ATAD3B: variants seen among roughly 807,000 people sequenced by gnomAD.
ATAD3B encodes the protein ATPase family AAA domain-containing protein 3B.
In ATAD3B, 59 loss-of-function variants were observed where a neutral mutation model predicts 70.2. The ratio of observed to expected loss-of-function variants is 0.84; its 90% CI spans 0.68 to 1.04. The LOEUF (loss-of-function observed/expected upper bound fraction) is 1.04, where lower values mean the gene tolerates loss of function less well. ATAD3B is among the 50% of genes least tolerant of loss of function. The pLI is 0.00. For synonymous variants in ATAD3B, 423 were observed against 388.6 expected, an observed-to-expected ratio of 1.09 and a Z score of -1.04; for missense variants, 961 against 913.4, an observed-to-expected ratio of 1.05 and a Z score of -0.67.
In ATAD3B at chr1:1,497,512, A is replaced by G. The variant is rs1203193335; in HGVS notation, c.*1695A>G. 1 of 150,352 alleles carries G rather than the reference A, an allele frequency of 6.7e-6. No individual in the cohort carries two copies. The highest frequency in any genetic ancestry group is 1.5e-5 in the Non-Finnish European group (1 of 67,768). The allele number at this position is 150,352 out of a possible 1,614,324, so 9.3% of individuals were successfully genotyped here. A position where few individuals can be genotyped will look rare whatever the true frequency, so the allele number is the denominator to read the frequency against. The stretch of plus-strand genomic sequence containing the variant: ...GGATGAGCCACCAAGCCTGGCCTCA[A>G]TTCCTCTTTAAAGGAATTGCCTAAA... On this transcript the variant is annotated 3_prime_UTR_variant, in exon 16 of 16. Coordinates refer to ENST00000673477, the MANE Select transcript of ATAD3B (RefSeq NM_031921.6).
rs755368073 is a variant in ATAD3B, at chr1:1,490,571, A to G, written c.1514A>G (p.Lys505Arg). 16 of 1,610,634 alleles carry G rather than the reference A, an allele frequency of 9.9e-6. No homozygotes were observed. Among genetic ancestry groups the G allele is most frequent in the African/African-American group, 1.3e-5 (1 of 74,814 alleles). ...GGGAACTCCTTCCCCAGGCGCCTGA[A>G]GCTGGCCCAGTTTGACTACGGGAGG... The part of the protein sequence containing the change: ...KPATEGKRRL[K>R]LAQFDYGRKC... Residue 505 changes from lysine to arginine, a missense_variant, in exon 15 of 16, where the codon AAG becomes AGG. Around this residue, in one of 4 missense-constraint regions of ATAD3B, gnomAD observed 417 missense variants for 335.0 expected, o/e 1.24. Coordinates refer to ENST00000673477, the MANE Select transcript of ATAD3B (RefSeq NM_031921.6).
At chr1:1,492,503 A>G (rs949158949) in intron 15 of ATAD3B, among the ~76,000 whole-genome samples, 8 of 151,218 alleles carry the variant, frequency 5.3e-5, no homozygotes, top group African/African-American at 1.7e-4. Context: ...AATAAGAAGA[A>G]TAATAATTTG....
At position 1,497,360 on chromosome 1, in the gene ATAD3B, A is replaced by G. The variant is rs1570289334; in HGVS notation, c.*1543A>G. 6.8e-6 allele frequency: 1 copy of G among 146,974 alleles called. No individual in the cohort carries two copies. Among genetic ancestry groups the G allele is most frequent in the Non-Finnish European group, 1.5e-5 (1 of 67,126 alleles). The allele number at this position is 146,974 out of a possible 1,614,324, so 9.1% of individuals were successfully genotyped here. A position where few individuals can be genotyped will look rare whatever the true frequency, so the allele number is the denominator to read the frequency against. On this transcript the variant is annotated 3_prime_UTR_variant, in exon 16 of 16. Coordinates refer to ENST00000673477, the MANE Select transcript of ATAD3B (RefSeq NM_031921.6). ...CAGTAGCCATACCCTACTAGGCCCT[A>G]ATTAGCCCCAGAGGCGTGCACCACC... is the stretch of plus-strand genomic sequence containing the variant.
chr1:1,476,049 C>T (rs980511625), intron 1 of ATAD3B, among the ~76,000 whole-genome samples: 8 of 143,490 alleles, frequency 5.6e-5, no homozygotes, highest in South Asian at 4.6e-4. Context: ...GTTGAGAGCC[C>T]GGGGTCGCTT....
intron 1 of ATAD3B, among the ~76,000 whole-genome samples, chr1:1,473,078 C>CTCCTGAAG (rs1639413170): frequency 6.7e-6 from 1 of 149,960 alleles, no homozygotes; most frequent in African/African-American, 2.5e-5. Context: ...CCGCCTTGTC[C>CTCCTGAAG]TCCTGAAGTG....
At chr1:1,503,202 C>T in the ATAD3B span, 2 of 176,816 alleles carry the variant, frequency 1.1e-5, no homozygotes, top group Non-Finnish European at 2.4e-5. Context: ...CCAGCCTGGG[C>T]GACAGAGCGA....
downstream of ATAD3B, among the ~76,000 whole-genome samples, chr1:1,502,369 CG>C (rs1557442164): frequency 6.6e-6 from 1 of 151,190 alleles, no homozygotes; most frequent in Non-Finnish European, 1.5e-5. Context: ...CGCCCACCAC[CG>C]CGCCTGGCTA....
chr1:1,478,457 G>T lies in ATAD3B; in HGVS notation c.283-187G>T, dbSNP rs1421795614. The T allele has an allele frequency of 3.9e-6, 6 of 1,539,908 alleles. No homozygotes were observed. In the African/African-American group the frequency reaches 8.2e-5, roughly 21 times the overall value. On this transcript the variant is annotated intron_variant, in intron 2 of 15. Coordinates refer to ENST00000673477, the MANE Select transcript of ATAD3B (RefSeq NM_031921.6). ...CAGGCTTCTCTGCTGGTGCTTCTGT[G>T]CCTGTGGGTCTGGATTCCTCCAGGG...
chr1:1,477,799 G>A (rs1434826719), intron 2 of ATAD3B, among the ~76,000 whole-genome samples: 3 of 151,788 alleles, frequency 2.0e-5, no homozygotes, highest in African/African-American at 7.3e-5. Flanking sequence ...TCCGCCTCCC[G>A]GGTTCAAGCG....
downstream of ATAD3B, among the ~76,000 whole-genome samples, chr1:1,500,770 G>T (rs1028068653): frequency 6.6e-6 from 1 of 151,058 alleles, no homozygotes; most frequent in South Asian, 2.1e-4. Context: ...TGGCTAACAG[G>T]GTGAAACCCC....
intron 4 of ATAD3B, among the ~76,000 whole-genome samples, chr1:1,479,604 A>G (rs1474810208): frequency 1.4e-5 from 2 of 143,648 alleles, no homozygotes; most frequent in Non-Finnish European, 3.0e-5. Context: ...AGGCCTGCAC[A>G]TACACCCCCA....
intron 1 of ATAD3B, among the ~76,000 whole-genome samples, chr1:1,476,153 A>G (rs997001261): frequency 6.9e-6 from 1 of 144,552 alleles, no homozygotes; most frequent in African/African-American, 2.8e-5. Context: ...TGCTCTGTTC[A>G]CTGGGGCCCC....
At chr1:1,497,862 A>C (rs1315352201), downstream of ATAD3B, 1 of 149,946 alleles carries the variant, frequency 6.7e-6, no homozygotes, top group Non-Finnish European at 1.5e-5. Flanking sequence ...CTGTTTAAAA[A>C]AAAAAAAAAA....
downstream of ATAD3B, among the ~76,000 whole-genome samples, chr1:1,501,192 G>A (rs1212293830): frequency 4.0e-5 from 6 of 151,592 alleles, no homozygotes; most frequent in Non-Finnish European, 5.9e-5. Flanking sequence ...GAGTTTAAGC[G>A]ATTCTCCTGC....
intron 7 of ATAD3B, chr1:1,484,347 A>C (rs1640088805): frequency 6.6e-6 from 1 of 151,830 alleles, no homozygotes; most frequent in Non-Finnish European, 1.5e-5. Flanking sequence ...CGCCCGGCTA[A>C]TTTTTTTGTA....
intron 12 of ATAD3B, 103 bp downstream of exon 12, chr1:1,488,017 C>T (rs1427833111): frequency 3.5e-5 from 52 of 1,499,982 alleles, no homozygotes; most frequent in Middle Eastern, 1.7e-4. Flanking sequence ...TGCAGTGGCG[C>T]AATCTTGGCT....
the ATAD3B span, among the ~76,000 whole-genome samples, chr1:1,505,641 C>A: frequency 2.0e-5 from 3 of 152,146 alleles, no homozygotes; most frequent in Non-Finnish European, 4.4e-5. Context: ...ACTGCTAGAC[C>A]AAGGAGCCCT....
At chr1:1,508,998 G>A in the ATAD3B span, among the ~76,000 whole-genome samples, 7 of 151,774 alleles carry the variant, frequency 4.6e-5, no homozygotes, top group African/African-American at 1.7e-4. Flanking sequence ...CAGTGCTGAG[G>A]ACGCAGGCAG....
In ATAD3B at chr1:1,490,524, C is replaced by A. The variant is rs375213043; in HGVS notation, c.1506-39C>A. 2.5e-6 allele frequency: 4 copies of A among 1,610,658 alleles called. 1 individual carries two copies. The highest frequency in any genetic ancestry group is 2.2e-5 in the East Asian group (1 of 44,782). ...GGCCTCCACCTCATGGTGTGGGGTC[C>A]GCGGCCTTGGCTGCCTCACTTGGGA... On this transcript the variant is annotated intron_variant, in intron 14 of 15. Coordinates refer to ENST00000673477, the MANE Select transcript of ATAD3B (RefSeq NM_031921.6).
Sources: allele counts gnomAD v4.1 joint callset (sites outside exome capture counted in the v4.1 genomes callset), GRCh38; gene constraint gnomAD v4.1.1; regional missense constraint gnomAD v4.1.1; transcripts MANE v1.5; gene names NCBI Gene and HGNC (gene_info 2026-07-23, HGNC 2026-07-21).